ACTA2: variants seen among roughly 807,000 people sequenced by gnomAD.
ACTA2 encodes actin alpha 2, smooth muscle, also known as actin, aortic smooth muscle.
A neutral mutation model predicts 39.5 loss-of-function variants in ACTA2; 12 were observed. That is an observed-to-expected ratio of 0.30 (90% CI 0.19 to 0.49). The LOEUF is 0.49. ACTA2 is among the 20% of genes least tolerant of loss of function. ACTA2 has a pLI of 0.99. For missense variants in ACTA2, 236 were observed against 498.8 expected (o/e 0.47, Z 5.02); for synonymous variants, 158 against 180.6 (o/e 0.88, Z 1.00).
chr10:88,953,849 C>G (rs1168742003), upstream of ACTA2, among the ~76,000 whole-genome samples: 2 of 152,178 alleles, frequency 1.3e-5, no homozygotes, highest in Non-Finnish European at 1.5e-5. Context: ...TAAGACACGC[C>G]TCTTCCCCTT....
exon 1 of ACTA2, chr10:88,991,127 C>T: frequency 1.6e-6 from 1 of 629,130 alleles, no homozygotes; most frequent in South Asian, 1.9e-5. Context: ...ACTTGCTTTT[C>T]TTGGGCCTTG....
chr10:88,970,895 G>GTA (rs1462787126), intron 1 of ACTA2, among the ~76,000 whole-genome samples: 20 of 144,104 alleles, frequency 1.4e-4, no homozygotes, highest in East Asian at 4.0e-4. Context: ...GTGTGTGTGT[G>GTA]TGTATATATA....
chr10:88,956,140 C>CT (rs1846134912), upstream of ACTA2, among the ~76,000 whole-genome samples: 1 of 152,228 alleles, frequency 6.6e-6, no homozygotes, highest in Admixed American at 6.5e-5. Flanking sequence ...CCAGAAGACT[C>CT]TGACACCCTG....
Position 88,947,254 on chromosome 10 carries a change from A to G in ACTA2, c.258+4T>C. The G allele has an allele frequency of 6.2e-7, 1 of 1,613,820 alleles. No individual in the cohort carries two copies. The highest frequency in any genetic ancestry group is 8.5e-7 in the Non-Finnish European group (1 of 1,179,796). On this transcript the variant is annotated splice_donor_region_variant and intron_variant, in intron 3 of 8. Coordinates refer to ENST00000224784, the MANE Select transcript of ACTA2 (RefSeq NM_001613.4). ...GGGCCCAAGCTGCAGCAAACCTCCCATACCTTTTCCATGTCGTCCCAGTTG... is the reference window on the plus strand; with the variant it reads ...GGGCCCAAGCTGCAGCAAACCTCCCGTACCTTTTCCATGTCGTCCCAGTTG...
chr10:88,959,068 A>AT (rs1564652063), intron 1 of ACTA2, among the ~76,000 whole-genome samples: 1 of 152,226 alleles, frequency 6.6e-6, no homozygotes, highest in African/African-American at 2.4e-5. Flanking sequence ...ACTTATTGCA[A>AT]TGACGGAAAT....
intron 1 of ACTA2, chr10:88,989,503 A>C (rs1293946119): frequency 1.8e-6 from 1 of 544,330 alleles, no homozygotes; most frequent in Non-Finnish European, 3.6e-6. Context: ...TGGCACGCCC[A>C]GGGTCTTCCT....
In ACTA2 at chr10:88,990,579, C is replaced by G; in HGVS notation, c.-24+360G>C. The stretch of plus-strand genomic sequence containing the variant: ...GCTGAATCAATGGAGCCCTCCCCAA[C>G]CCGGGCGTTCCCCAGCGAGGCTTCC... On this transcript the variant is annotated intron_variant, in intron 1 of 4. Coordinates refer to the ACTA2 transcript ENST00000415557. The surrounding 1 kb of genome is among the most constrained non-coding windows in gnomAD (Gnocchi z 4.9). The G allele has an allele frequency of 3.0e-6, 2 of 662,022 alleles. No individual in the cohort carries two copies. Among genetic ancestry groups the G allele is most frequent in the South Asian group, 3.0e-5 (2 of 66,326 alleles). The allele number at this position is 662,022 out of a possible 1,614,324, so 41.0% of individuals were successfully genotyped here.
rs1845863970 is a variant in ACTA2 at position 88,942,002 on chromosome 10, TCAGAA to T, written c.370-138_370-134del. ...GCAGAGGAGGCCAAAGTAAGGAGGT[TCAGAA>T]CAGCCCTGGTCACGTTAAAGAGGAG... On this transcript the variant is annotated intron_variant, in intron 4 of 8. Transcript: ENST00000224784. 3 of 766,402 alleles carry T rather than the reference TCAGAA, an allele frequency of 3.9e-6. No individual in the cohort carries two copies. The South Asian group carries it at 4.4e-5, about 11-fold the overall frequency. 47.5% of individuals were successfully genotyped at this position (766,402 alleles called of 1,614,324 possible).
At chr10:88,950,401 T>C (rs913207038) in intron 1 of ACTA2, among the ~76,000 whole-genome samples, 2 of 152,180 alleles carry the variant, frequency 1.3e-5, no homozygotes, top group African/African-American at 4.8e-5. Context: ...GGAAATAAAA[T>C]AGCTATTACA....
intron 1 of ACTA2, among the ~76,000 whole-genome samples, chr10:88,963,154 A>G (rs1564653633): frequency 6.6e-6 from 1 of 151,318 alleles, no homozygotes; most frequent in Non-Finnish European, 1.5e-5. Flanking sequence ...GGGAGCTACA[A>G]TTCAAGATGA....
At chr10:88,949,343 C>T (rs1463999837) in intron 1 of ACTA2, among the ~76,000 whole-genome samples, 9 of 152,156 alleles carry the variant, frequency 5.9e-5, no homozygotes, top group Non-Finnish European at 1.2e-4. Flanking sequence ...AAAGAAGCAT[C>T]TAGATTTTCC....
In ACTA2 at chr10:88,990,983, C is replaced by CGCGTGCGGGAT. The variant is rs1847150321; in HGVS notation, c.-79_-69dup. 3.1e-6 allele frequency: 5 copies of CGCGTGCGGGAT among 1,603,568 alleles called. No individual in the cohort carries two copies. The highest frequency in any genetic ancestry group is 4.3e-6 in the Non-Finnish European group (5 of 1,171,300). On this transcript the variant is annotated 5_prime_UTR_variant, in exon 1 of 5. Coordinates refer to the ACTA2 transcript ENST00000415557. This position sits in a 1 kb window ranked among gnomAD's most constrained non-coding sequence, Gnocchi z 4.9. The stretch of plus-strand genomic sequence containing the variant: ...TAGGCAAAGTGGGGCGGGCGCGGGA[C>CGCGTGCGGGAT]GCGTGCGGGATTGCGGCGGCAGCGG...
At chr10:88,947,164 C>T (rs1845966586) in intron 3 of ACTA2, 94 bp downstream of exon 3, 4 of 1,532,916 alleles carry the variant, frequency 2.6e-6, no homozygotes, top group Non-Finnish European at 3.6e-6. Context: ...GCAATGTGAG[C>T]CAGTTATTTC....
At chr10:88,966,211 CAGA>C (rs1258964532) in intron 1 of ACTA2, among the ~76,000 whole-genome samples, 1 of 152,172 alleles carries the variant, frequency 6.6e-6, no homozygotes, top group Non-Finnish European at 1.5e-5. Flanking sequence ...CTCAAAAATA[CAGA>C]AGAATAGTAA....
rs1386026266 is a variant in ACTA2 at position 88,938,122 on chromosome 10, C to G, written c.929G>C (p.Gly310Ala). Residue 310 changes from glycine (G) to alanine (A), a missense_variant, in exon 8 of 9, where the codon GGC becomes GCC. Gly to Ala is a moderately conservative substitution (Grantham distance 60). Coordinates refer to ENST00000224784, the MANE Select transcript of ACTA2 (RefSeq NM_001613.4). The stretch of plus-strand genomic sequence containing the variant: ...CTCCTTCTGCATTCGGTCGGCAATG[C>G]CAGGGTACATAGTGGTGCCCCCTGA... ...VLSGGTTMYPGIADRMQKEIT... is the reference protein window; with the variant it reads ...VLSGGTTMYPAIADRMQKEIT... 1 of 1,613,992 alleles carries G rather than the reference C, an allele frequency of 6.2e-7. No homozygotes were observed. The highest frequency in any genetic ancestry group is 1.1e-5 in the South Asian group (1 of 91,084).
At chr10:88,945,806 TAG>T (rs915544086) in intron 3 of ACTA2, among the ~76,000 whole-genome samples, 16 of 152,360 alleles carry the variant, frequency 1.1e-4, no homozygotes, top group African/African-American at 3.8e-4. Flanking sequence ...TTTAGATGTT[TAG>T]AGTGAGTTAA....
At chr10:88,936,400 T>C (rs545539496) in intron 8 of ACTA2, among the ~76,000 whole-genome samples, 63 of 152,342 alleles carry the variant, frequency 4.1e-4, no homozygotes, top group African/African-American at 1.4e-3. Flanking sequence ...AAATCTCATG[T>C]TGAGATGTAA....
intron 1 of ACTA2, among the ~76,000 whole-genome samples, chr10:88,963,778 C>T (rs1205426837): frequency 1.3e-5 from 2 of 152,128 alleles, no homozygotes; most frequent in East Asian, 3.9e-4. Context: ...AGTAATCAAA[C>T]TAATATCCGT....
chr10:88,970,864 A>G (rs1846426494), intron 1 of ACTA2, among the ~76,000 whole-genome samples: 1 of 149,224 alleles, frequency 6.7e-6, no homozygotes, highest in Non-Finnish European at 1.5e-5. Flanking sequence ...AACTTAAAGT[A>G]TAATAAAAAA....
Sources: allele counts gnomAD v4.1 joint callset (sites outside exome capture counted in the v4.1 genomes callset), GRCh38; gene constraint gnomAD v4.1.1; non-coding constraint Gnocchi (gnomAD v3.1); transcripts MANE v1.5; gene names NCBI Gene and HGNC (gene_info 2026-07-23, HGNC 2026-07-21).